C1GALT1: variants seen among roughly 807,000 people sequenced by gnomAD.
The protein encoded by C1GALT1 is core 1 synthase, glycoprotein-N-acetylgalactosamine 3-beta-galactosyltransferase 1.
Under a neutral mutation model 31.0 loss-of-function variants are expected in C1GALT1, and 11 were observed. That is an observed-to-expected ratio of 0.36 (90% CI 0.22 to 0.59). The LOEUF is 0.59. Ranked by LOEUF, C1GALT1 falls within the 20% of genes least tolerant of loss-of-function variation. C1GALT1 has a pLI of 0.79. For synonymous variants in C1GALT1, 175 were observed against 143.6 expected, an observed-to-expected ratio of 1.22 and a Z score of -1.56; for missense variants, 424 against 425.2, an observed-to-expected ratio of 1.00 and a Z score of 0.03.
At position 7,238,934 on chromosome 7, in the gene C1GALT1, A is replaced by C. The variant is rs775421179; in HGVS notation, c.888+12A>C. ...ATCCTCCTGTAGAGGTAAGTTTAGA[A>C]ATTTTATTACTATGTCAATACTTGG... On this transcript the variant is annotated intron_variant, in intron 3 of 3. Coordinates refer to ENST00000436587, the MANE Select transcript of C1GALT1 (RefSeq NM_020156.5). This position sits in a 1 kb window ranked among gnomAD's most constrained non-coding sequence, Gnocchi z 5.2. The C allele has an allele frequency of 6.3e-7, 1 of 1,583,162 alleles. No individual in the cohort carries two copies. The highest frequency in any genetic ancestry group is 1.4e-5 in the African/African-American group (1 of 73,494).
chr7:7,208,990 G>A (rs1042027194), intron 1 of C1GALT1, among the ~76,000 whole-genome samples: 5 of 152,166 alleles, frequency 3.3e-5, no homozygotes, highest in African/African-American at 7.2e-5. Context: ...TTCTACCAGC[G>A]TAAGTGTTCT....
At chr7:7,192,054 C>T (rs1233499300) in intron 1 of C1GALT1, among the ~76,000 whole-genome samples, 1 of 152,048 alleles carries the variant, frequency 6.6e-6, no homozygotes, top group Non-Finnish European at 1.5e-5. Flanking sequence ...AATATAATGT[C>T]ATGAAGCTCT....
At position 7,218,837 on chromosome 7, in the gene C1GALT1, T is replaced by A. The variant is rs1782373128; in HGVS notation, c.-17-15466T>A. Among the ~76,000 whole-genome samples, 3 of 112,432 alleles carry A rather than the reference T, an allele frequency of 2.7e-5. No individual in the cohort carries two copies. The South Asian group carries it at 6.8e-4, about 25-fold the overall frequency. 73.8% of individuals were successfully genotyped at this position (112,432 alleles called of 152,430 possible). A position where few individuals can be genotyped will look rare whatever the true frequency, so the allele number is the denominator to read the frequency against. ...GTATACATCTCAAACCGTGTTTCTA[T>A]TTTTTTTTTTTTTTGAGATGGAGTC... On this transcript the variant is annotated intron_variant, in intron 1 of 3. Coordinates refer to ENST00000436587, the MANE Select transcript of C1GALT1 (RefSeq NM_020156.5).
intron 1 of C1GALT1, among the ~76,000 whole-genome samples, chr7:7,184,429 G>A (rs1780728064): frequency 6.6e-6 from 1 of 152,060 alleles, no homozygotes; most frequent in Non-Finnish European, 1.5e-5. Context: ...TCATAATTAT[G>A]CTTTTTAAGA....
chr7:7,172,115 TC>T (rs2128227453), intron 2 of C1GALT1, among the ~76,000 whole-genome samples: 1 of 152,340 alleles, frequency 6.6e-6, no homozygotes, highest in South Asian at 2.1e-4. Context: ...TTGAAAGACT[TC>T]CTTTGCATTT....
chr7:7,171,038 A>G (rs553058609), intron 2 of C1GALT1, among the ~76,000 whole-genome samples: 28 of 152,304 alleles, frequency 1.8e-4, no homozygotes, highest in African/African-American at 6.3e-4. Context: ...CATATCATCT[A>G]TCCTGAAGAA....
At chr7:7,214,402 C>CT in intron 1 of C1GALT1, among the ~76,000 whole-genome samples, 1 of 152,134 alleles carries the variant, frequency 6.6e-6, no homozygotes, top group Non-Finnish European at 1.5e-5. Context: ...TGAGGAGAGC[C>CT]TTTTTCCAGA....
upstream of C1GALT1, among the ~76,000 whole-genome samples, chr7:7,180,286 A>G (rs1780555717): frequency 6.6e-6 from 1 of 152,252 alleles, no homozygotes; most frequent in South Asian, 2.1e-4. Flanking sequence ...CTAATTGAAA[A>G]TGTCGAAGAA....
At chr7:7,185,219 AG>A (rs1378809499) in intron 1 of C1GALT1, among the ~76,000 whole-genome samples, 3 of 152,136 alleles carry the variant, frequency 2.0e-5, no homozygotes, top group African/African-American at 7.2e-5. Context: ...TGCACATTGA[AG>A]GGGCGTGTTG....
In C1GALT1 at chr7:7,245,883, C is replaced by T. The variant is rs573287231; in HGVS notation, c.*2156C>T. On this transcript the variant is annotated 3_prime_UTR_variant, in exon 4 of 4. Coordinates refer to ENST00000436587, the MANE Select transcript of C1GALT1 (RefSeq NM_020156.5). ...GTAACCTTGAGCAATTTTAATCTCT[C>T]TGTGTCTCAATTTCCTCATCTTTTA... 1 of 152,136 alleles carries T rather than the reference C, an allele frequency of 6.6e-6. No homozygotes were observed. The highest frequency in any genetic ancestry group is 6.5e-5 in the Admixed American group (1 of 15,272). 9.4% of individuals were successfully genotyped at this position (152,136 alleles called of 1,614,324 possible).
At chr7:7,187,730 G>C (rs1780884099) in intron 1 of C1GALT1, among the ~76,000 whole-genome samples, 1 of 152,138 alleles carries the variant, frequency 6.6e-6, no homozygotes, top group Admixed American at 6.5e-5. Flanking sequence ...GGAAGCAAGT[G>C]TTGTAGTCAG....
intron 2 of C1GALT1, among the ~76,000 whole-genome samples, chr7:7,235,528 C>G (rs1783296233): frequency 6.6e-6 from 1 of 152,172 alleles, no homozygotes; most frequent in Non-Finnish European, 1.5e-5. Context: ...TGTGTATTTG[C>G]TCTGTAGCAT....
chr7:7,177,193 C>T (rs1288353814), intron 2 of C1GALT1, among the ~76,000 whole-genome samples: 1 of 152,168 alleles, frequency 6.6e-6, no homozygotes, highest in Non-Finnish European at 1.5e-5. Flanking sequence ...ATAATCAGGA[C>T]TTGAGTCTCA....
At position 7,188,669 on chromosome 7, in the gene C1GALT1, A is replaced by G. The variant is rs184223175; in HGVS notation, c.-18+5849A>G. On this transcript the variant is annotated intron_variant, in intron 1 of 3. Transcript: ENST00000436587. ...ATAGCTCTTGTTAAATATCATATGT[A>G]TATATATCTTAACAGATTTTAAAAT... Among the ~76,000 whole-genome samples, 274 of 152,298 alleles carry G rather than the reference A, an allele frequency of 1.8e-3. 3 individuals are homozygous for G. The highest frequency in any genetic ancestry group is 2.9e-4 in the Non-Finnish European group (20 of 68,010).
At chr7:7,234,757 C>A in intron 2 of C1GALT1, 1 of 423,344 alleles carries the variant, frequency 2.4e-6, no homozygotes, top group Admixed American at 4.1e-5. Flanking sequence ...TAGTTCAGAA[C>A]CCATGATTTG....
intron 1 of C1GALT1, among the ~76,000 whole-genome samples, chr7:7,215,995 T>C (rs183292504): frequency 6.6e-6 from 1 of 152,096 alleles, no homozygotes; most frequent in Admixed American, 6.5e-5. Context: ...TTTTTTTAAT[T>C]TTGGGGAACT....
At chr7:7,181,808 A>G (rs1359932236), upstream of C1GALT1, among the ~76,000 whole-genome samples, 2 of 152,188 alleles carry the variant, frequency 1.3e-5, no homozygotes, top group African/African-American at 4.8e-5. Flanking sequence ...TAACGCCAGT[A>G]AAGACTAAAC....
At chr7:7,237,026 T>C (rs955554778) in intron 2 of C1GALT1, among the ~76,000 whole-genome samples, 4 of 152,220 alleles carry the variant, frequency 2.6e-5, no homozygotes, top group Admixed American at 2.0e-4. Context: ...CATAGACTCA[T>C]TCTGGTCCTA....
chr7:7,181,247 GGAAGGATATTGCGGAAAGGT>G (rs1780579283), upstream of C1GALT1, among the ~76,000 whole-genome samples: 1 of 152,084 alleles, frequency 6.6e-6, no homozygotes, highest in African/African-American at 2.4e-5. Flanking sequence ...GCGGAAAGGT[GGAAGGATATTGCGGAAAGGT>G]GGAGGGGGAG....
Sources: allele counts gnomAD v4.1 joint callset (sites outside exome capture counted in the v4.1 genomes callset), GRCh38; gene constraint gnomAD v4.1.1; non-coding constraint Gnocchi (gnomAD v3.1); transcripts MANE v1.5; gene names NCBI Gene and HGNC (gene_info 2026-07-23, HGNC 2026-07-21).